ANKRD36B: variants seen among roughly 807,000 people sequenced by gnomAD.
The protein encoded by ANKRD36B is ankyrin repeat domain 36B.
ANKRD36B carries 37 observed loss-of-function variants against 135.7 expected under a neutral mutation model. The observed-to-expected ratio is 0.27, with a 90% CI of 0.21 to 0.36. The LOEUF (loss-of-function observed/expected upper bound fraction) is 0.36, where lower values mean the gene tolerates loss of function less well. Among genes scored for constraint, ANKRD36B ranks in the 10% least tolerant of loss-of-function variants. ANKRD36B has a pLI of 1.00. For missense variants in ANKRD36B, 549 were observed against 1,037.1 expected (o/e 0.53, Z 6.46); for synonymous variants, 179 against 348.1 (o/e 0.51, Z 5.41).
At chr2:97,535,178 G>A (rs1375814374) in intron 34 of ANKRD36B, among the ~76,000 whole-genome samples, 1 of 99,564 alleles carries the variant, frequency 1.0e-5, no homozygotes, top group African/African-American at 2.9e-5. Context: ...TAGGAAGGGT[G>A]TGGGGGTGGT....
chr2:97,559,587 C>T (rs955744043), intron 8 of ANKRD36B, among the ~76,000 whole-genome samples: 12 of 151,892 alleles, frequency 7.9e-5, no homozygotes, highest in Non-Finnish European at 1.8e-4. Flanking sequence ...AATAATTTGC[C>T]TAAGTTTCTT....
chr2:97,566,084 C>T (rs1452937483), intron 6 of ANKRD36B, among the ~76,000 whole-genome samples: 3 of 151,428 alleles, frequency 2.0e-5, no homozygotes, highest in Admixed American at 6.6e-5. Context: ...GAGGCCAAGG[C>T]GGGTGGATCA....
At chr2:97,523,506 A>G (rs1354127254) in intron 35 of ANKRD36B, 39 bp from the exon 36 acceptor site, 1 of 898,654 alleles carries the variant, frequency 1.1e-6, no homozygotes, top group Admixed American at 2.5e-5. Context: ...TGTCCCCAAA[A>G]TATTTATAGC....
Position 97,494,187 on chromosome 2 carries a change from G to A in ANKRD36B, c.*7-1332C>T, listed in dbSNP as rs569622675. 9.3e-5 allele frequency among the ~76,000 whole-genome samples: 9 copies of A among 97,272 alleles called. 1 individual carries two copies. The highest frequency in any genetic ancestry group is 1.2e-4 in the African/African-American group (4 of 32,986). 63.8% of individuals were successfully genotyped at this position (97,272 alleles called of 152,430 possible). ...AGAATAACACAGAAAAGAGCAACAC[G>A]GAAAAACACAAATTTTTGTGTTGCT... On this transcript the variant is annotated intron_variant, in intron 43 of 43. Coordinates refer to ENST00000359901, the MANE Select transcript of ANKRD36B (RefSeq NM_001393939.1).
Position 97,545,045 on chromosome 2 carries a change from CAT to C in ANKRD36B, c.1681+619_1681+620del, listed in dbSNP as rs1182673156. Among the ~76,000 whole-genome samples, 2 of 95,764 alleles carry C rather than the reference CAT, an allele frequency of 2.1e-5. 1 individual carries two copies. The highest frequency in any genetic ancestry group is 6.2e-5 in the African/African-American group (2 of 32,266). 62.8% of individuals were successfully genotyped at this position (95,764 alleles called of 152,430 possible). A position where few individuals can be genotyped will look rare whatever the true frequency, so the allele number is the denominator to read the frequency against. ...TCACTGTGGTTTATCCCAATTCTAG[CAT>C]AGTTTCCTGCTTCCAGTAGTGCCTG... On this transcript the variant is annotated intron_variant, in intron 24 of 43. Transcript: ENST00000359901.
intron 16 of ANKRD36B, 115 bp from the exon 17 acceptor site, chr2:97,551,595 T>C (rs1388447560): frequency 3.3e-6 from 5 of 1,495,478 alleles, no homozygotes; most frequent in Non-Finnish European, 4.6e-6. Context: ...GCGTAGGTTT[T>C]GATGGCTTCT....
intron 6 of ANKRD36B, among the ~76,000 whole-genome samples, chr2:97,569,927 A>G (rs1348583328): frequency 1.3e-5 from 2 of 152,124 alleles, no homozygotes; most frequent in Non-Finnish European, 2.9e-5. Flanking sequence ...TAAATGATTG[A>G]TTTTTTTAAT....
At chr2:97,547,913 G>T (rs2079636744) in intron 20 of ANKRD36B, among the ~76,000 whole-genome samples, 182 bp from the exon 21 acceptor site, 1 of 151,696 alleles carries the variant, frequency 6.6e-6, no homozygotes, top group Non-Finnish European at 1.5e-5. Flanking sequence ...GGGAATACAG[G>T]CTCCATGAAA....
rs1296268540 is a variant in ANKRD36B at position 97,526,777 on chromosome 2, T to C, written c.2266-3310A>G. The stretch of plus-strand genomic sequence containing the variant: ...AGAATGCAGAAGCCTCAGAGGCCGA[T>C]GCGATCAACTGGAAGAAAGGGTATC... On this transcript the variant is annotated intron_variant, in intron 35 of 43. Coordinates refer to ENST00000359901, the MANE Select transcript of ANKRD36B (RefSeq NM_001393939.1). 5.2e-5 allele frequency among the ~76,000 whole-genome samples: 5 copies of C among 96,734 alleles called. 2 individuals carry two copies. In the East Asian group the frequency reaches 1.2e-3, roughly 22 times the overall value. 63.5% of individuals were successfully genotyped at this position (96,734 alleles called of 152,430 possible).
chr2:97,551,501 A>G (rs370515955), intron 16 of ANKRD36B, 21 bp from the exon 17 acceptor site: 5 of 1,607,326 alleles, frequency 3.1e-6, no homozygotes, highest in Non-Finnish European at 3.4e-6. Flanking sequence ...AAAGGGATAC[A>G]TAATCACTCA....
chr2:97,494,459 A>G (rs2077281638), intron 43 of ANKRD36B, among the ~76,000 whole-genome samples: 1 of 106,838 alleles, frequency 9.4e-6, no homozygotes, highest in Non-Finnish European at 2.6e-5. Context: ...ACTGTTTTAA[A>G]CAACCACCTT....
Position 97,524,926 on chromosome 2 carries a change from C to G in ANKRD36B, c.2266-1459G>C, listed in dbSNP as rs543598523. ...GTTGTTGAGACAATTTTTGCACATGCAAAAGTGGAAGATAAATTTGCTAGT... is the reference window on the plus strand; with the variant it reads ...GTTGTTGAGACAATTTTTGCACATGGAAAAGTGGAAGATAAATTTGCTAGT... On this transcript the variant is annotated intron_variant, in intron 35 of 43. Transcript: ENST00000359901. 7.2e-5 allele frequency: 7 copies of G among 97,346 alleles called. 1 individual carries two copies. The highest frequency in any genetic ancestry group is 2.1e-4 in the African/African-American group (7 of 32,562). 6.0% of individuals were successfully genotyped at this position (97,346 alleles called of 1,614,324 possible).
intron 37 of ANKRD36B, among the ~76,000 whole-genome samples, chr2:97,514,283 G>A (rs1446783014): frequency 9.5e-6 from 1 of 105,170 alleles, no homozygotes; most frequent in Non-Finnish European, 1.8e-5. Flanking sequence ...GCATGTATAA[G>A]TTGAAATGTA....
rs532969827 is a variant in ANKRD36B, at chr2:97,536,171, C to A, written c.2191+129G>T. ...AAAATATAAATAAAAATGATAACAG[C>A]TGCATTATTTAGATGAAATCCTGAA... is the stretch of plus-strand genomic sequence containing the variant. On this transcript the variant is annotated intron_variant, in intron 34 of 43. Transcript: ENST00000359901. 3.9e-5 allele frequency: 16 copies of A among 409,424 alleles called. 2 individuals carry two copies. Among genetic ancestry groups the A allele is most frequent in the South Asian group, 3.4e-4 (16 of 47,316 alleles). 25.4% of individuals were successfully genotyped at this position (409,424 alleles called of 1,614,324 possible).
intron 8 of ANKRD36B, among the ~76,000 whole-genome samples, chr2:97,559,441 C>T (rs1157520859): frequency 6.6e-6 from 1 of 151,796 alleles, no homozygotes; most frequent in Non-Finnish European, 1.5e-5. Flanking sequence ...CTAGAAGGTA[C>T]ACAATTACGA....
intron 6 of ANKRD36B, among the ~76,000 whole-genome samples, chr2:97,573,063 C>T (rs1157813188): frequency 6.6e-6 from 1 of 151,730 alleles, no homozygotes; most frequent in Non-Finnish European, 1.5e-5. Flanking sequence ...TCCCTCCCCA[C>T]TCCCCCCACC....
At position 97,535,789 on chromosome 2, in the gene ANKRD36B, G is replaced by C. The variant is rs1404741975; in HGVS notation, c.2191+511C>G. ...AATAAAACCTTATATTTTTAGGCCAGGCATGGTGGTTCACACCTGTAATCC... is the reference window on the plus strand; with the variant it reads ...AATAAAACCTTATATTTTTAGGCCACGCATGGTGGTTCACACCTGTAATCC... On this transcript the variant is annotated intron_variant, in intron 34 of 43. Coordinates refer to ENST00000359901, the MANE Select transcript of ANKRD36B (RefSeq NM_001393939.1). Among the ~76,000 whole-genome samples the C allele has an allele frequency of 2.1e-5, 2 of 96,438 alleles. 1 individual carries two copies. Among genetic ancestry groups the C allele is most frequent in the Non-Finnish European group, 5.5e-5 (2 of 36,050 alleles). 63.3% of individuals were successfully genotyped at this position (96,438 alleles called of 152,430 possible).
In ANKRD36B at chr2:97,555,045, G is replaced by C. The variant is rs779308859; in HGVS notation, c.1171+15C>G. On this transcript the variant is annotated intron_variant, in intron 14 of 43. Coordinates refer to ENST00000359901, the MANE Select transcript of ANKRD36B (RefSeq NM_001393939.1). ...CTGGACTGAACATGACATTAAATGTGTTTTGCAAAATTACCTGTCCCACAT... is the reference window on the plus strand; with the variant it reads ...CTGGACTGAACATGACATTAAATGTCTTTTGCAAAATTACCTGTCCCACAT... The C allele has an allele frequency of 6.2e-7, 1 of 1,610,938 alleles. No individual in the cohort carries two copies. The highest frequency in any genetic ancestry group is 1.3e-5 in the African/African-American group (1 of 74,744).
chr2:97,573,769 G>C (rs2082047210), intron 6 of ANKRD36B, among the ~76,000 whole-genome samples: 1 of 151,906 alleles, frequency 6.6e-6, no homozygotes, highest in Non-Finnish European at 1.5e-5. Context: ...ACAAACCTGA[G>C]AAAAACAAGC....
Sources: allele counts gnomAD v4.1 joint callset (sites outside exome capture counted in the v4.1 genomes callset), GRCh38; gene constraint gnomAD v4.1.1; transcripts MANE v1.5; gene names NCBI Gene and HGNC (gene_info 2026-07-23, HGNC 2026-07-21).